Variants in CCDC7 observed in about 807,000 individuals in gnomAD.
The protein encoded by CCDC7 is coiled-coil domain-containing protein 7.
A neutral mutation model predicts 196.9 loss-of-function variants in CCDC7; 183 were observed. The ratio of observed to expected loss-of-function variants is 0.93; its 90% CI spans 0.82 to 1.05. The LOEUF (loss-of-function observed/expected upper bound fraction) is 1.05, where lower values mean the gene tolerates loss of function less well. Ranked by LOEUF, CCDC7 falls within the 50% of genes least tolerant of loss-of-function variation. The probability of loss-of-function intolerance (pLI) is 0.00; values close to 1 mark genes in which losing one functional copy is unlikely to be tolerated. For synonymous variants in CCDC7, 525 were observed against 484.6 expected (o/e 1.08, Z -1.10); for missense variants, 1,540 against 1,482.2 (o/e 1.04, Z -0.64).
At chr10:32,634,423 G>A in intron 19 of CCDC7, 59 bp downstream of exon 20, 3 of 705,354 alleles carry the variant, frequency 4.3e-6, no homozygotes, top group South Asian at 1.5e-4. Flanking sequence ...TTGAGATGGA[G>A]TCTCGCCCTG....
exon 1 of CCDC7, chr10:32,451,832 C>T (rs1055718131): frequency 1.3e-5 from 21 of 1,614,032 alleles, no homozygotes; most frequent in Middle Eastern, 1.6e-4. Context: ...ATCCATTTTA[C>T]GGTATGCTTT....
intron 21 of CCDC7, among the ~76,000 whole-genome samples, chr10:32,671,789 C>T (rs2074104245): frequency 1.3e-5 from 2 of 152,090 alleles, no homozygotes; most frequent in African/African-American, 2.4e-5. Flanking sequence ...TGCTGCAGTT[C>T]TGGCACTCAT....
At chr10:32,719,189 G>A (rs1327271125) in intron 25 of CCDC7, among the ~76,000 whole-genome samples, 1 of 152,068 alleles carries the variant, frequency 6.6e-6, no homozygotes, top group Non-Finnish European at 1.5e-5. Context: ...ATAGACCAAT[G>A]GAACAGAACA....
chr10:32,518,481 A>G (rs749181918), exon 11 of CCDC7: 3 of 1,607,878 alleles, frequency 1.9e-6, no homozygotes, highest in Non-Finnish European at 2.5e-6. Flanking sequence ...TGGAAAATGA[A>G]CTACAAAAGT....
chr10:32,762,164 C>T (rs750571213), intron 28 of CCDC7, among the ~76,000 whole-genome samples: 11 of 151,846 alleles, frequency 7.2e-5, no homozygotes, highest in East Asian at 1.9e-4. Context: ...TATAGTGTTC[C>T]GCAACATTTA....
At chr10:32,685,844 T>C (rs561539019) in intron 21 of CCDC7, 126 bp from the exon 23 acceptor site, 3 of 577,946 alleles carry the variant, frequency 5.2e-6, no homozygotes, top group East Asian at 6.5e-5. Context: ...ATTATTGTAA[T>C]TTAGTTATAA....
At chr10:32,722,612 T>C (rs1442201592) in intron 25 of CCDC7, among the ~76,000 whole-genome samples, 1 of 152,110 alleles carries the variant, frequency 6.6e-6, no homozygotes, top group Non-Finnish European at 1.5e-5. Context: ...CCAGTGTGTG[T>C]GGGTGCTCCA....
intron 18 of CCDC7, among the ~76,000 whole-genome samples, chr10:32,610,657 A>G (rs942640902): frequency 3.3e-5 from 5 of 152,054 alleles, no homozygotes; most frequent in Non-Finnish European, 7.4e-5. Context: ...CCACTTATGA[A>G]TGAGAACATG....
intron 39 of CCDC7, among the ~76,000 whole-genome samples, chr10:32,848,945 A>T (rs754599823): frequency 6.6e-6 from 1 of 151,954 alleles, no homozygotes; most frequent in Non-Finnish European, 1.5e-5. Context: ...AAGAGCATTG[A>T]CTTTTTAGGC....
chr10:32,747,628 A>T (rs1592300538), intron 28 of CCDC7, among the ~76,000 whole-genome samples: 1 of 152,328 alleles, frequency 6.6e-6, no homozygotes, highest in Middle Eastern at 3.4e-3. Flanking sequence ...ATCTCTAATC[A>T]TTAGAGAAAT....
chr10:32,636,891 T>C (rs1198437567), intron 20 of CCDC7, among the ~76,000 whole-genome samples: 1 of 152,128 alleles, frequency 6.6e-6, no homozygotes, highest in East Asian at 1.9e-4. Context: ...CCAGCACCTG[T>C]TGTTTCCTGA....
chr10:32,445,500 AAC>A (rs1195830697), upstream of CCDC7, among the ~76,000 whole-genome samples: 1 of 152,206 alleles, frequency 6.6e-6, no homozygotes, highest in African/African-American at 2.4e-5. Context: ...AGGCATTATT[AAC>A]AGTTAAATTG....
intron 18 of CCDC7, among the ~76,000 whole-genome samples, chr10:32,598,447 G>C (rs1456652793): frequency 6.6e-6 from 1 of 152,174 alleles, no homozygotes. Flanking sequence ...GATCCCTTGA[G>C]CTTCCAGGGT....
At chr10:32,579,804 C>T (rs928949395) in intron 16 of CCDC7, among the ~76,000 whole-genome samples, 1 of 152,000 alleles carries the variant, frequency 6.6e-6, no homozygotes, top group South Asian at 2.1e-4. Flanking sequence ...AGACTATATA[C>T]GATATGGACA....
intron 11 of CCDC7, among the ~76,000 whole-genome samples, chr10:32,536,012 C>A (rs1446728754): frequency 6.6e-6 from 1 of 152,018 alleles, no homozygotes; most frequent in African/African-American, 2.4e-5. Context: ...GCATGTCTTC[C>A]CAGACCCCTT....
At chr10:32,626,146 T>G (rs1021922504) in intron 18 of CCDC7, among the ~76,000 whole-genome samples, 3 of 152,092 alleles carry the variant, frequency 2.0e-5, no homozygotes, top group Admixed American at 2.0e-4. Context: ...ACCTCCATAC[T>G]GTTTTTAATA....
At chr10:32,453,194 TGGGATGAAAAA>T (rs2033535252) in intron 1 of CCDC7, 139 bp from the exon 3 acceptor site, 1 of 433,900 alleles carries the variant, frequency 2.3e-6, no homozygotes, top group African/African-American at 2.1e-5. Context: ...AAATTGGGTA[TGGGATGAAAAA>T]TTTAAGTTTA....
chr10:32,680,179 G>C (rs967129636), intron 21 of CCDC7, among the ~76,000 whole-genome samples: 11 of 152,154 alleles, frequency 7.2e-5, no homozygotes, highest in African/African-American at 2.4e-4. Flanking sequence ...TTCCTAGACA[G>C]ATTATGGGAG....
chr10:32,785,008 C>G (rs1216136470), intron 29 of CCDC7, among the ~76,000 whole-genome samples: 1 of 151,572 alleles, frequency 6.6e-6, no homozygotes, highest in South Asian at 2.1e-4. Flanking sequence ...TCTTAAAAAG[C>G]AAAACAAAAC....
Sources: gnomAD v4.1 joint callset for allele counts (sites outside exome capture counted in the v4.1 genomes callset) on GRCh38, gnomAD v4.1.1 for gene constraint, MANE v1.5 for transcripts, NCBI Gene and HGNC (gene_info 2026-07-23, HGNC 2026-07-21) for gene names.